The following KDM2B variants were observed in gnomAD, a reference collection of about 807,000 sequenced individuals.
KDM2B encodes lysine-specific demethylase 2B.
KDM2B carries 26 observed loss-of-function variants against 150.0 expected under a neutral mutation model. The ratio of observed to expected loss-of-function variants is 0.17; its 90% CI spans 0.13 to 0.24. KDM2B has a LOEUF of 0.24. Among genes scored for constraint, KDM2B ranks in the 10% least tolerant of loss-of-function variants. KDM2B has a pLI of 1.00. For missense variants in KDM2B, 1,265 were observed against 1,816.9 expected, an observed-to-expected ratio of 0.70 and a Z score of 5.52; for synonymous variants, 734 against 729.5, an observed-to-expected ratio of 1.01 and a Z score of -0.10.
the KDM2B span, chr12:121,423,719 A>C: frequency 1.4e-6 from 1 of 737,584 alleles, no homozygotes; most frequent in Non-Finnish European, 2.2e-6. The surrounding 1 kb of genome is among the most constrained non-coding windows in gnomAD (Gnocchi z 4.3). Context: ...AGAAAGATCC[A>C]TCCTGAGTTG....
At position 121,442,467 on chromosome 12, in the gene KDM2B, C is replaced by G; in HGVS notation, c.2974G>C (p.Glu992Gln). ...CCCTTGCTGAAGCGGTGGGGACGCT[C>G]GCAGATGCCCGGGGGCCGCTTGGGC... ...EEPKRPPGICERPHRFSKGLN... is the reference protein window; with the variant it reads ...EEPKRPPGICQRPHRFSKGLN... The change falls in exon 19 of 23, where the codon GAG becomes CAG. Residue 992 changes from glutamate (E) to glutamine (Q), a missense_variant. Transcript: ENST00000377071. This position sits in a 1 kb window ranked among gnomAD's most constrained non-coding sequence, Gnocchi z 7.7. 1 of 1,599,574 alleles carries G rather than the reference C, an allele frequency of 6.3e-7. No homozygotes were observed.
intron 12 of KDM2B, among the ~76,000 whole-genome samples, chr12:121,484,804 C>CA (rs376558868): frequency 1.4e-4 from 21 of 152,002 alleles, no homozygotes; most frequent in African/African-American, 4.3e-4. Flanking sequence ...GGCAACAGAG[C>CA]AAGACCCTGT....
Position 121,513,449 on chromosome 12 carries a change from A to G in KDM2B, c.1048-47T>C. 1 of 1,596,592 alleles carries G rather than the reference A, an allele frequency of 6.3e-7. No individual in the cohort carries two copies. The highest frequency in any genetic ancestry group is 8.6e-7 in the Non-Finnish European group (1 of 1,166,122). On this transcript the variant is annotated intron_variant, in intron 9 of 22. Coordinates refer to ENST00000377071, the MANE Select transcript of KDM2B (RefSeq NM_032590.5). The surrounding 1 kb of genome is among the most constrained non-coding windows in gnomAD (Gnocchi z 5.0). ...GGCAGAGGTCAGTTTCCAGAGGGCG[A>G]AGGGGGAAGGAGGGAGAGAAGTGCG...
intron 11 of KDM2B, among the ~76,000 whole-genome samples, chr12:121,508,934 C>T (rs1885331142): frequency 6.6e-6 from 1 of 152,216 alleles, no homozygotes; most frequent in Non-Finnish European, 1.5e-5. Context: ...AGGGGTTCGT[C>T]TCTCGAGGCC....
chr12:121,499,697 C>T (rs1333349204), intron 11 of KDM2B, among the ~76,000 whole-genome samples: 1 of 151,736 alleles, frequency 6.6e-6, no homozygotes, highest in African/African-American at 2.4e-5. Context: ...CCTGTAATTC[C>T]AGCACTTTGA....
rs1205367585 is a variant in KDM2B, at chr12:121,574,562, C to T, written c.382G>A (p.Val128Ile). The T allele has an allele frequency of 1.9e-5, 30 of 1,613,848 alleles. No homozygotes were observed. The highest frequency in any genetic ancestry group is 1.6e-4 in the Middle Eastern group (1 of 6,084). Reference protein sequence around the residue: ...MPDPDFTVRDVKLLVGSRRLV... With the variant: ...MPDPDFTVRDIKLLVGSRRLV... The stretch of plus-strand genomic sequence containing the variant: ...AGCGACTTACCCACTAGGAGTTTGA[C>T]GTCTCGGACTGTGAAATCAGGGTCA... The change falls in exon 4 of 23, where the codon GTC (valine) becomes ATC (isoleucine). Residue 128 changes from valine to isoleucine, a missense_variant. Transcript: ENST00000377071.
intron 21 of KDM2B, 198 bp from the exon 22 acceptor site, chr12:121,440,273 T>C (rs898918611): frequency 1.5e-5 from 9 of 595,984 alleles, no homozygotes; most frequent in African/African-American, 1.1e-4. Flanking sequence ...TCAGATTCTC[T>C]TGAAAAACTA....
chr12:121,540,754 CAA>C (rs60199948), intron 6 of KDM2B, among the ~76,000 whole-genome samples: 735 of 64,516 alleles, frequency 0.011, 11 homozygotes, highest in African/African-American at 0.049. Context: ...GACTCTGTCT[CAA>C]AAAAAAAAAA....
intron 4 of KDM2B, among the ~76,000 whole-genome samples, chr12:121,554,569 C>A (rs1407629112): frequency 6.6e-6 from 1 of 152,042 alleles, no homozygotes. Flanking sequence ...TGCCACCACG[C>A]CCAGCTAATT....
rs1409810035 is a variant in KDM2B, at chr12:121,440,968, T to G, written c.3458A>C (p.Asp1153Ala). 6.2e-7 allele frequency: 1 copy of G among 1,613,554 alleles called. No individual in the cohort carries two copies. Among genetic ancestry groups the G allele is most frequent in the Non-Finnish European group, 8.5e-7 (1 of 1,179,818 alleles). The part of the protein sequence containing the change: ...WLINRLPGLR[D>A]LVLSGCSWIA... ...CCATGAGCAGCCTGACAGCACCAAGTCCCGGAGCCCTGGGGGGACATAGAA... is the reference window on the plus strand; with the variant it reads ...CCATGAGCAGCCTGACAGCACCAAGGCCCGGAGCCCTGGGGGGACATAGAA... Residue 1153 changes from aspartate to alanine, a missense_variant, in exon 21 of 23, where the codon GAC (aspartate) becomes GCC (alanine). This residue lies in a region of KDM2B where 251 missense variants were observed against 397.8 expected (regional missense o/e 0.63). Coordinates refer to ENST00000377071, the MANE Select transcript of KDM2B (RefSeq NM_032590.5).
chr12:121,425,874 C>T (rs1056083683), downstream of KDM2B, among the ~76,000 whole-genome samples: 31 of 151,742 alleles, frequency 2.0e-4, no homozygotes, highest in Non-Finnish European at 3.8e-4. Flanking sequence ...TCATGCCATT[C>T]TCCTGCCTCA....
intron 4 of KDM2B, among the ~76,000 whole-genome samples, chr12:121,566,968 G>A (rs1029301347): frequency 3.3e-5 from 5 of 151,204 alleles, no homozygotes; most frequent in Non-Finnish European, 7.4e-5. Context: ...TGCAACCTCC[G>A]CCTCCCAGGT....
intron 12 of KDM2B, among the ~76,000 whole-genome samples, chr12:121,488,858 G>A (rs934943885): frequency 6.6e-6 from 1 of 152,058 alleles, no homozygotes; most frequent in African/African-American, 2.4e-5. Flanking sequence ...AGGCTGGAGT[G>A]CAATGGCGCG....
chr12:121,462,656 C>G (rs989691323), intron 12 of KDM2B, among the ~76,000 whole-genome samples: 11 of 152,108 alleles, frequency 7.2e-5, no homozygotes, highest in Admixed American at 2.0e-4. Context: ...CCATGCCCAG[C>G]TAATTTTTTG....
At chr12:121,481,544 TG>T (rs1197377400) in intron 12 of KDM2B, among the ~76,000 whole-genome samples, 3 of 50,190 alleles carry the variant, frequency 6.0e-5, no homozygotes, top group Non-Finnish European at 1.2e-4. Flanking sequence ...GTCGGGGGGG[TG>T]GGGGCGGGGA....
intron 4 of KDM2B, among the ~76,000 whole-genome samples, chr12:121,558,291 A>G (rs782126139): frequency 2.0e-5 from 3 of 151,762 alleles, no homozygotes; most frequent in African/African-American, 7.3e-5. Context: ...TGAACTAAAG[A>G]CCTGACCTGG....
chr12:121,469,755 G>C (rs1393529957), intron 12 of KDM2B: 1 of 152,038 alleles, frequency 6.6e-6, no homozygotes, highest in Non-Finnish European at 1.5e-5. Flanking sequence ...ATTGTGATTG[G>C]TCAAGCCTAC....
intron 6 of KDM2B, among the ~76,000 whole-genome samples, chr12:121,536,707 C>G (rs372486790): frequency 2.6e-5 from 4 of 151,846 alleles, no homozygotes; most frequent in African/African-American, 9.7e-5. Context: ...TTTCCACCCC[C>G]TCCAGGCCTC....
At chr12:121,538,803 G>C (rs782759893) in intron 6 of KDM2B, among the ~76,000 whole-genome samples, 1 of 152,222 alleles carries the variant, frequency 6.6e-6, no homozygotes, top group Middle Eastern at 3.4e-3. Context: ...TGCTCACCCA[G>C]GCAGCCTGTC....
Sources: gnomAD v4.1 joint callset for allele counts (sites outside exome capture counted in the v4.1 genomes callset) on GRCh38, gnomAD v4.1.1 for gene constraint, gnomAD v4.1.1 regional missense constraint, Gnocchi (gnomAD v3.1) non-coding constraint, MANE v1.5 for transcripts, NCBI Gene and HGNC (gene_info 2026-07-23, HGNC 2026-07-21) for gene names.